The following ACOT9 variants were observed in gnomAD, a reference collection of about 807,000 sequenced individuals.
ACOT9 encodes the protein acyl-coenzyme A thioesterase 9, mitochondrial.
A neutral mutation model predicts 39.7 loss-of-function variants in ACOT9; 34 were observed. The ratio of observed to expected loss-of-function variants is 0.86; its 90% CI spans 0.65 to 1.14. The LOEUF (loss-of-function observed/expected upper bound fraction) is 1.14, where lower values mean the gene tolerates loss of function less well. Among genes scored for constraint, ACOT9 ranks in the 50% most tolerant of loss-of-function variants. The probability of loss-of-function intolerance (pLI) is 0.00; values close to 1 mark genes in which losing one functional copy is unlikely to be tolerated. For synonymous variants in ACOT9, 110 were observed against 120.5 expected, an observed-to-expected ratio of 0.91 and a Z score of 0.57; for missense variants, 313 against 344.1, an observed-to-expected ratio of 0.91 and a Z score of 0.71.
At chrX:23,717,649 G>C (rs1929130052) in intron 8 of ACOT9, among the ~76,000 whole-genome samples, 1 of 110,987 alleles carries the variant, frequency 9.0e-6, no homozygotes, top group Non-Finnish European at 1.9e-5. Flanking sequence ...GGGCCAATCA[G>C]TTTGGAACAT....
At chrX:23,721,467 T>C (rs929288948) in intron 8 of ACOT9, among the ~76,000 whole-genome samples, 1 of 111,259 alleles carries the variant, frequency 9.0e-6, no homozygotes, top group Non-Finnish European at 1.9e-5. Flanking sequence ...ACTGTTTTTT[T>C]CCAAACATTT....
At position 23,707,964 on chromosome X, in the gene ACOT9, G is replaced by C. The variant is rs1261663464; in HGVS notation, c.663-20C>G. On this transcript the variant is annotated intron_variant, in intron 9 of 15. Coordinates refer to ENST00000379303, the MANE Select transcript of ACOT9 (RefSeq NM_001037171.2). ...GCCGGCCTAAAAAGAAGAAAAAAAAGAATATAATTTAAGATATGCCATTAT... is the reference window on the plus strand; with the variant it reads ...GCCGGCCTAAAAAGAAGAAAAAAAACAATATAATTTAAGATATGCCATTAT... 2 of 1,164,147 alleles carry C rather than the reference G, an allele frequency of 1.7e-6. No individual in the cohort carries two copies. Among genetic ancestry groups the C allele is most frequent in the Admixed American group, 2.3e-5 (1 of 43,448 alleles).
rs546875300 is a variant in ACOT9, at chrX:23,731,978, T to C, written c.192-992A>G. Among the ~76,000 whole-genome samples the C allele has an allele frequency of 8.9e-5, 10 of 111,903 alleles. No homozygotes were observed. In the South Asian group the frequency reaches 3.7e-3, roughly 41 times the overall value. On this transcript the variant is annotated intron_variant, in intron 4 of 15. Coordinates refer to ENST00000379303, the MANE Select transcript of ACOT9 (RefSeq NM_001037171.2). ...ACTTATAAAGTATTATTTCCAGAAA[T>C]GTTTACCCTACAAAAACTACAGGAG...
intron 10 of ACOT9, chrX:23,707,138 G>C (rs1928722137): frequency 8.7e-6 from 1 of 115,571 alleles, no homozygotes; most frequent in Non-Finnish European, 1.8e-5. Flanking sequence ...TCTCTACAAA[G>C]AAAAATTTTA....
rs139036893 is a variant in ACOT9 at position 23,712,690 on chromosome X, G to A, written c.662+445C>T. ...GGCTGGAGTGCAATGGCGCAATCTC[G>A]GCACACTGCAACTTCCACCTCCCAG... On this transcript the variant is annotated intron_variant, in intron 9 of 15. Coordinates refer to ENST00000379303, the MANE Select transcript of ACOT9 (RefSeq NM_001037171.2). Among the ~76,000 whole-genome samples, 891 of 111,577 alleles carry A rather than the reference G, an allele frequency of 8.0e-3. 8 individuals carry two copies. Among genetic ancestry groups the A allele is most frequent in the African/African-American group, 0.027 (827 of 30,739 alleles).
intron 6 of ACOT9, among the ~76,000 whole-genome samples, 182 bp downstream of exon 6, chrX:23,730,345 A>G (rs1235827103): frequency 5.4e-5 from 6 of 110,798 alleles, no homozygotes; most frequent in African/African-American, 3.3e-5. Context: ...CGCCCGCCTC[A>G]GCCTCCCAAA....
chrX:23,720,034 C>T (rs139441602), intron 8 of ACOT9, among the ~76,000 whole-genome samples: 4,403 of 111,537 alleles, frequency 0.039, 218 homozygotes, highest in African/African-American at 0.14. Flanking sequence ...AGGGTTTCAC[C>T]GTGTTAGCCA....
intron 9 of ACOT9, among the ~76,000 whole-genome samples, chrX:23,709,134 C>A (rs1928807716): frequency 9.0e-6 from 1 of 111,522 alleles, no homozygotes; most frequent in Non-Finnish European, 1.9e-5. Context: ...GGTTCACGCT[C>A]GTAATCCCAG....
chrX:23,732,986 T>G (rs1394654646), intron 4 of ACOT9, among the ~76,000 whole-genome samples, 186 bp downstream of exon 4: 1 of 112,089 alleles, frequency 8.9e-6, no homozygotes, highest in Non-Finnish European at 1.9e-5. Flanking sequence ...TCTTCTTTCA[T>G]GACAATGAGG....
In ACOT9 at chrX:23,732,968, G is replaced by A. The variant is rs758054112; in HGVS notation, c.191+204C>T. Among the ~76,000 whole-genome samples, 5 of 111,948 alleles carry A rather than the reference G, an allele frequency of 4.5e-5. No homozygotes were observed. In the South Asian group the frequency reaches 1.5e-3, roughly 33 times the overall value. On this transcript the variant is annotated intron_variant, in intron 4 of 15. Transcript: ENST00000379303. ...TGCACTTTGAAAATGCAGAATATAC[G>A]TAAATCATCTTCTTTCATGACAATG... is the stretch of plus-strand genomic sequence containing the variant.
At chrX:23,740,298 G>A (rs1161537296) in intron 1 of ACOT9, among the ~76,000 whole-genome samples, 1 of 109,421 alleles carries the variant, frequency 9.1e-6, no homozygotes, top group African/African-American at 3.3e-5. Flanking sequence ...GTACAGACAG[G>A]GCTTCACCAT....
rs189463011 is a variant in ACOT9 at position 23,722,841 on chromosome X, C to A, written c.401-88G>T. 117 of 560,674 alleles carry A rather than the reference C, an allele frequency of 2.1e-4. No individual in the cohort carries two copies. In the African/African-American group the frequency reaches 2.3e-3, roughly 11 times the overall value. 46.2% of individuals were successfully genotyped at this position (560,674 alleles called of 1,213,427 possible). A position where few individuals can be genotyped will look rare whatever the true frequency, so the allele number is the denominator to read the frequency against. On this transcript the variant is annotated intron_variant, in intron 6 of 15. Transcript: ENST00000379303. ...TTTCCTCCCTGAGATCCATGAAAAG[C>A]CTTGTCTCGCTTGGAAGATCCAGCC...
rs1920980489 is a variant in ACOT9 at position 23,742,254 on chromosome X, G to GAT, written c.20+870_20+871insAT. ...AGAGAGAGGGAGAGAGAGAGAGAGA[G>GAT]AGATATCCAGGACCCCCAAGAGAAT... is the stretch of plus-strand genomic sequence containing the variant. On this transcript the variant is annotated intron_variant, in intron 1 of 15. Transcript: ENST00000379303. Among the ~76,000 whole-genome samples the GAT allele has an allele frequency of 6.2e-5, 4 of 64,031 alleles. 1 individual carries two copies. Among genetic ancestry groups the GAT allele is most frequent in the African/African-American group, 3.0e-4 (4 of 13,257 alleles). 55.6% of individuals were successfully genotyped at this position (64,031 alleles called of 115,157 possible). A position where few individuals can be genotyped will look rare whatever the true frequency, so the allele number is the denominator to read the frequency against.
intron 9 of ACOT9, among the ~76,000 whole-genome samples, chrX:23,711,471 T>A (rs184642445): frequency 7.8e-4 from 88 of 112,840 alleles, no homozygotes; most frequent in Non-Finnish European, 6.4e-4. Context: ...GAATGAAGCA[T>A]TGATCCTAAC....
In ACOT9 at chrX:23,703,122, C is replaced by T. The variant is rs1420021031; in HGVS notation, c.*772G>A. The T allele has an allele frequency of 9.0e-6, 1 of 111,399 alleles. No individual in the cohort carries two copies. Among genetic ancestry groups the T allele is most frequent in the Non-Finnish European group, 1.9e-5 (1 of 53,154 alleles). The allele number at this position is 111,399 out of a possible 1,213,427, so 9.2% of individuals were successfully genotyped here. A position where few individuals can be genotyped will look rare whatever the true frequency, so the allele number is the denominator to read the frequency against. ...CTTTTGTTAAATCCCTTCGCCCCAA[C>T]TTTTCATCTACCCTCTGACAACAAA... On this transcript the variant is annotated 3_prime_UTR_variant, in exon 16 of 16. Transcript: ENST00000379303.
At chrX:23,721,448 T>C (rs1378113294) in intron 8 of ACOT9, among the ~76,000 whole-genome samples, 1 of 96,212 alleles carries the variant, frequency 1.0e-5, no homozygotes, top group Non-Finnish European at 2.1e-5. Context: ...TTTATTTATA[T>C]TATTTTTCAC....
chrX:23,704,267 T>C (rs1049662987), intron 15 of ACOT9, among the ~76,000 whole-genome samples: 2 of 103,886 alleles, frequency 1.9e-5, no homozygotes. Flanking sequence ...GCCTCCCAGG[T>C]TCACGCCATT....
rs753522285 is a variant in ACOT9 at position 23,735,958 on chromosome X, G to T, written c.79C>A (p.Gln27Lys). ...AAGATTCCCTGTTTCTTGGGGTTCT[G>T]GGGTCCTTGAGTCAGTCCTCTTCCA... is the stretch of plus-strand genomic sequence containing the variant. ...TPGRGLTQGP[Q>K]NPKKQGIFHI... The change falls in exon 2 of 16, where the codon CAG becomes AAG. Residue 27 changes from glutamine (Q) to lysine (K), a missense_variant. Transcript: ENST00000379303. The T allele has an allele frequency of 8.3e-7, 1 of 1,208,641 alleles. No homozygotes were observed. The highest frequency in any genetic ancestry group is 1.1e-6 in the Non-Finnish European group (1 of 894,682).
At chrX:23,727,058 G>A (rs968645924) in intron 6 of ACOT9, among the ~76,000 whole-genome samples, 2 of 112,198 alleles carry the variant, frequency 1.8e-5, no homozygotes, top group African/African-American at 6.5e-5. Flanking sequence ...GGCCTCAAGT[G>A]ATCCACCCGC....
Sources: gnomAD v4.1 joint callset for allele counts (sites outside exome capture counted in the v4.1 genomes callset) on GRCh38, gnomAD v4.1.1 for gene constraint, MANE v1.5 for transcripts, NCBI Gene and HGNC (gene_info 2026-07-23, HGNC 2026-07-21) for gene names.